The following BRSK2 variants were observed in gnomAD, a reference collection of about 807,000 sequenced individuals.
BRSK2 encodes the protein serine/threonine-protein kinase BRSK2.
Under a neutral mutation model 83.3 loss-of-function variants are expected in BRSK2, and 19 were observed. The ratio of observed to expected loss-of-function variants is 0.23; its 90% CI spans 0.16 to 0.33. The LOEUF is 0.33. BRSK2 is among the 10% of genes least tolerant of loss of function. The pLI, the probability that BRSK2 is intolerant of heterozygous loss-of-function variation, is 1.00. For missense variants in BRSK2, 798 were observed against 1,042.3 expected, an observed-to-expected ratio of 0.77 and a Z score of 3.23; for synonymous variants, 519 against 435.4, an observed-to-expected ratio of 1.19 and a Z score of -2.39.
chr11:1,403,172 T>G (rs903993353), intron 1 of BRSK2, among the ~76,000 whole-genome samples: 3 of 152,110 alleles, frequency 2.0e-5, no homozygotes, highest in Non-Finnish European at 2.9e-5. Flanking sequence ...TCGGGGGGTC[T>G]GTGTCACGCT....
At chr11:1,418,867 C>G (rs1472981634) in intron 1 of BRSK2, among the ~76,000 whole-genome samples, 1 of 152,242 alleles carries the variant, frequency 6.6e-6, no homozygotes, top group African/African-American at 2.4e-5. Flanking sequence ...CAGCAAATTT[C>G]TGTTCAGCTC....
At position 1,423,885 on chromosome 11, in the gene BRSK2, C is replaced by G. The variant is rs1848902763; in HGVS notation, c.92-12155C>G. On this transcript the variant is annotated intron_variant, in intron 1 of 19. Coordinates refer to ENST00000528841, the MANE Select transcript of BRSK2 (RefSeq NM_001256627.2). This position sits in a 1 kb window ranked among gnomAD's most constrained non-coding sequence, Gnocchi z 6.5. ...GGCCTGCAGAAGTGCTCCCCCACCC[C>G]CATCTTGCTTTCACCCTCACGTGGC... Among the ~76,000 whole-genome samples, 1 of 152,096 alleles carries G rather than the reference C, an allele frequency of 6.6e-6. No homozygotes were observed. Among genetic ancestry groups the G allele is most frequent in the African/African-American group, 2.4e-5 (1 of 41,406 alleles).
chr11:1,449,788 C>T lies in BRSK2; in HGVS notation c.1239C>T (p.Ile413=), dbSNP rs749513566. ...MAQHGQRSRS[I]SGASSGLSTS... ...TTGTGACCTCCAGGTCTCGGTCCAT[C>T]AGCGGTGCCTCCTCAGGCCTTTCCA... The change falls in exon 13 of 20, where the codon ATC becomes ATT. Residue 413 remains isoleucine (I), a synonymous_variant. Transcript: ENST00000528841. 8.1e-6 allele frequency: 13 copies of T among 1,612,268 alleles called. No individual in the cohort carries two copies. Among genetic ancestry groups the T allele is most frequent in the Non-Finnish European group, 1.1e-5 (13 of 1,179,534 alleles).
chr11:1,447,750 C>T (rs774960543), intron 12 of BRSK2: 30 of 1,561,170 alleles, frequency 1.9e-5, no homozygotes, highest in East Asian at 2.3e-5. Context: ...GACCTGTGCC[C>T]GCGTGTGGCC....
At chr11:1,428,190 C>G (rs1849473452) in intron 1 of BRSK2, among the ~76,000 whole-genome samples, 1 of 152,152 alleles carries the variant, frequency 6.6e-6, no homozygotes, top group South Asian at 2.1e-4. Flanking sequence ...CTGCCTTTAC[C>G]TGAGCCACTG....
rs139033259 is a variant in BRSK2, at chr11:1,434,206, C to T, written c.92-1834C>T. 9.5e-4 allele frequency among the ~76,000 whole-genome samples: 144 copies of T among 152,330 alleles called. 1 individual carries two copies. In the East Asian group the frequency reaches 0.024, roughly 26 times the overall value. Reference sequence around the variant, plus strand: ...GGTGACGTCCCGCGGGTCAACAGGGCGAGGCCGAGTCTGGGTGAAATTTGA... The same window carrying T: ...GGTGACGTCCCGCGGGTCAACAGGGTGAGGCCGAGTCTGGGTGAAATTTGA... On this transcript the variant is annotated intron_variant, in intron 1 of 19. Transcript: ENST00000528841.
intron 1 of BRSK2, among the ~76,000 whole-genome samples, chr11:1,396,988 C>G (rs117672979): frequency 0.023 from 3,549 of 152,356 alleles, 56 homozygotes; most frequent in Non-Finnish European, 0.033. Context: ...GCTGGAAACA[C>G]CGTACCGCGC....
intron 15 of BRSK2, among the ~76,000 whole-genome samples, chr11:1,452,992 CAG>C (rs1284022898): frequency 1.3e-5 from 2 of 152,224 alleles, no homozygotes; most frequent in Non-Finnish European, 2.9e-5. Context: ...CTGGGACACT[CAG>C]GGCTGATGTC....
chr11:1,425,817 G>A (rs1169791540), intron 1 of BRSK2, among the ~76,000 whole-genome samples: 14 of 152,330 alleles, frequency 9.2e-5, no homozygotes, highest in East Asian at 3.9e-4. Flanking sequence ...ACTCCAGGCC[G>A]TGGCACTAGA....
In BRSK2 at chr11:1,449,946, G is replaced by C. The variant is rs1048028348; in HGVS notation, c.1287+110G>C. On this transcript the variant is annotated intron_variant, in intron 13 of 19. Coordinates refer to ENST00000528841, the MANE Select transcript of BRSK2 (RefSeq NM_001256627.2). Reference sequence around the variant, plus strand: ...TCGCGGACCCTGGGAAGCAGCCCCAGGCGCCCCCCATGCCCACGCTCCTGT... The same window carrying C: ...TCGCGGACCCTGGGAAGCAGCCCCACGCGCCCCCCATGCCCACGCTCCTGT... 12 of 739,890 alleles carry C rather than the reference G, an allele frequency of 1.6e-5. No homozygotes were observed. The African/African-American group carries it at 1.8e-4, about 11-fold the overall frequency. The allele number at this position is 739,890 out of a possible 1,614,324, so 45.8% of individuals were successfully genotyped here. A position where few individuals can be genotyped will look rare whatever the true frequency, so the allele number is the denominator to read the frequency against.
At chr11:1,426,994 C>T (rs1025425642) in intron 1 of BRSK2, among the ~76,000 whole-genome samples, 11 of 152,112 alleles carry the variant, frequency 7.2e-5, no homozygotes, top group African/African-American at 1.9e-4. Context: ...CGTGCCGGGG[C>T]GGTGAGGGGG....
intron 1 of BRSK2, chr11:1,411,291 C>T (rs764346283): frequency 5.2e-5 from 69 of 1,316,328 alleles, no homozygotes; most frequent in Non-Finnish European, 6.1e-5. Context: ...GCCAGTGCCC[C>T]GCCATGGCCT....
At chr11:1,440,626 T>G (rs1170627360) in intron 3 of BRSK2, among the ~76,000 whole-genome samples, 162 bp from the exon 4 acceptor site, 1 of 150,724 alleles carries the variant, frequency 6.6e-6, no homozygotes, top group Non-Finnish European at 1.5e-5. Context: ...TGGTTTGAGA[T>G]CCACCATAGT....
At position 1,456,460 on chromosome 11, in the gene BRSK2, C is replaced by T. The variant is rs766193013; in HGVS notation, c.1781C>T (p.Thr594Ile). The change falls in exon 17 of 20, where the codon ACC (threonine) becomes ATC (isoleucine). Residue 594 changes from threonine to isoleucine, a missense_variant. Thr to Ile is a moderately conservative substitution (Grantham distance 89, BLOSUM62 -1). Around this residue, in one of 6 missense-constraint regions of BRSK2, gnomAD observed 455 missense variants for 455.2 expected, o/e 1.00. Transcript: ENST00000528841. Reference protein sequence around the residue: ...QKPVKFQVDITYTEGGEAQKE... With the variant: ...QKPVKFQVDIIYTEGGEAQKE... The stretch of plus-strand genomic sequence containing the variant: ...CCGGTCAAGTTCCAGGTTGATATCA[C>T]CTACACGGAGGGTGGGGAGGCGCAG... 34 of 1,584,116 alleles carry T rather than the reference C, an allele frequency of 2.1e-5. No individual in the cohort carries two copies. The highest frequency in any genetic ancestry group is 4.0e-5 in the African/African-American group (3 of 74,218).
chr11:1,445,797 G>A lies in BRSK2; in HGVS notation c.1116G>A (p.Arg372=). The A allele has an allele frequency of 1.2e-6, 2 of 1,612,398 alleles. No homozygotes were observed. The highest frequency in any genetic ancestry group is 1.7e-4 in the Middle Eastern group (1 of 6,060). Residue 372 remains arginine (R), a synonymous_variant, in exon 12 of 20, where the codon CGG becomes CGA. Coordinates refer to ENST00000528841, the MANE Select transcript of BRSK2 (RefSeq NM_001256627.2). The part of the protein sequence containing the change: ...RKRVDSPMLN[R]HGKRRPERKS... ...GTGTGGACTCCCCGATGCTGAACCG[G>A]CACGGCAAGCGGCGGCCAGAACGCA... is the stretch of plus-strand genomic sequence containing the variant.
chr11:1,404,667 G>A (rs1258943804), intron 1 of BRSK2, among the ~76,000 whole-genome samples: 1 of 152,224 alleles, frequency 6.6e-6, no homozygotes, highest in African/African-American at 2.4e-5. Flanking sequence ...AGGCACTCAG[G>A]GACAGATGCT....
chr11:1,440,357 G>T (rs921653391), intron 3 of BRSK2, among the ~76,000 whole-genome samples: 1 of 152,118 alleles, frequency 6.6e-6, no homozygotes, highest in South Asian at 2.1e-4. Context: ...ATGCGGCTGC[G>T]TGGTCTCCCT....
At chr11:1,408,457 G>A (rs1035620485) in intron 1 of BRSK2, among the ~76,000 whole-genome samples, 3 of 152,152 alleles carry the variant, frequency 2.0e-5, no homozygotes, top group African/African-American at 7.2e-5. Context: ...TTCACACAGC[G>A]GCCACCAGGC....
intron 1 of BRSK2, among the ~76,000 whole-genome samples, chr11:1,413,183 T>C (rs1847732885): frequency 6.6e-6 from 1 of 152,114 alleles, no homozygotes; most frequent in Admixed American, 6.5e-5. Context: ...CCAGCTGCCA[T>C]GAGCTCCCCT....
Sources: gnomAD v4.1 joint callset for allele counts (sites outside exome capture counted in the v4.1 genomes callset) on GRCh38, gnomAD v4.1.1 for gene constraint, gnomAD v4.1.1 regional missense constraint, Gnocchi (gnomAD v3.1) non-coding constraint, MANE v1.5 for transcripts, NCBI Gene and HGNC (gene_info 2026-07-23, HGNC 2026-07-21) for gene names.